Variants in NF1 observed in about 807,000 individuals in gnomAD.
The protein encoded by NF1 is neurofibromin 1.
In NF1, 122 loss-of-function variants were observed where a neutral mutation model predicts 325.7. The observed-to-expected ratio is 0.37, with a 90% confidence interval of 0.32 to 0.44. NF1 has a LOEUF of 0.44. Among genes scored for constraint, NF1 ranks in the 20% least tolerant of loss-of-function variants. The pLI, the probability that NF1 is intolerant of heterozygous loss-of-function variation, is 1.00. For synonymous variants in NF1, 1,091 were observed against 1,186.0 expected (o/e 0.92, Z 1.65); for missense variants, 2,140 against 3,415.4 (o/e 0.63, Z 9.31).
At chr17:31,209,638 CTCTT>C (rs998012555) in intron 12 of NF1, among the ~76,000 whole-genome samples, 15 of 152,160 alleles carry the variant, frequency 9.9e-5, no homozygotes, top group Middle Eastern at 3.4e-3. Flanking sequence ...TTAGCTCTCT[CTCTT>C]TTTTTTTCTT....
intron 49 of NF1, 127 bp from the exon 50 acceptor site, chr17:31,350,056 A>G: frequency 1.1e-6 from 1 of 938,604 alleles, no homozygotes; most frequent in Non-Finnish European, 1.7e-6. Flanking sequence ...ACATTTATGT[A>G]GTCTTCCAAA....
rs538685865 is a variant in NF1 at position 31,214,829 on chromosome 17, A to G, written c.1527+244A>G. On this transcript the variant is annotated intron_variant, in intron 13 of 57. Coordinates refer to ENST00000358273, the MANE Select transcript of NF1 (RefSeq NM_001042492.3). ...TCTCTTTCTTCTTAATTTCCCTATC[A>G]TTAAACTAACATACTTTGATGAGAT... is the stretch of plus-strand genomic sequence containing the variant. Among the ~76,000 whole-genome samples, 11 of 152,282 alleles carry G rather than the reference A, an allele frequency of 7.2e-5. No homozygotes were observed. In the South Asian group the frequency reaches 1.0e-3, roughly 14 times the overall value.
intron 1 of NF1, among the ~76,000 whole-genome samples, chr17:31,144,763 C>T (rs894828658): frequency 4.6e-5 from 7 of 152,176 alleles, no homozygotes; most frequent in African/African-American, 1.7e-4. Flanking sequence ...CAATTAAGGA[C>T]TATGGCCTGG....
intron 29 of NF1, among the ~76,000 whole-genome samples, chr17:31,240,286 C>G (rs1428078565): frequency 2.6e-5 from 4 of 151,780 alleles, no homozygotes; most frequent in African/African-American, 9.7e-5. Flanking sequence ...TCCATGAGTT[C>G]AATTGTTTTA....
Position 31,375,290 on chromosome 17 carries a change from A to C in NF1, c.*1135A>C, listed in dbSNP as rs1168344225. The C allele has an allele frequency of 2.6e-5, 6 of 228,366 alleles. No homozygotes were observed. In the East Asian group the frequency reaches 3.8e-4, roughly 14 times the overall value. The allele number at this position is 228,366 out of a possible 1,614,324, so 14.1% of individuals were successfully genotyped here. On this transcript the variant is annotated 3_prime_UTR_variant, in exon 58 of 58. Coordinates refer to ENST00000358273, the MANE Select transcript of NF1 (RefSeq NM_001042492.3). ...TTTTAATCTTCCTCCTCCTCTCCAA[A>C]AAAATCAGAAACCTCTTTAAGAAAA...
chr17:31,159,051 T>C lies in NF1; in HGVS notation c.246T>C (p.Ser82=). 1.2e-6 allele frequency: 2 copies of C among 1,609,124 alleles called. No individual in the cohort carries two copies. Among genetic ancestry groups the C allele is most frequent in the Non-Finnish European group, 1.7e-6 (2 of 1,175,652 alleles). ...CTGCTGAAAAAAATTTATATCTCTC[T>C]CAGTTGATTATATTGGATACACTGG... ...GEAAEKNLYL[S]QLIILDTLEK... Residue 82 remains serine, a synonymous_variant, in exon 3 of 58, where the codon TCT becomes TCC. Coordinates refer to ENST00000358273, the MANE Select transcript of NF1 (RefSeq NM_001042492.3).
chr17:31,227,658 T>C (rs755941819), intron 20 of NF1, 52 bp downstream of exon 20: 1 of 1,445,914 alleles, frequency 6.9e-7, no homozygotes, highest in Non-Finnish European at 9.7e-7. Context: ...TAAATATATG[T>C]ACTTCACTTT....
rs57914332 is a variant in NF1, at chr17:31,276,208, CAAAAAAAA to C, written c.4835+10886_4835+10893del. Among the ~76,000 whole-genome samples, 297 of 78,928 alleles carry C rather than the reference CAAAAAAAA, an allele frequency of 3.8e-3. 6 individuals are homozygous for C. In the East Asian group the frequency reaches 0.082, roughly 22 times the overall value. 51.8% of individuals were successfully genotyped at this position (78,928 alleles called of 152,430 possible). ...TGGGGGACAGAGCAAGACTCCATCT[CAAAAAAAA>C]AAAAAAAAAAAAAAAAGGGGCACAA... On this transcript the variant is annotated intron_variant, in intron 36 of 57. Transcript: ENST00000358273.
chr17:31,343,117 G>A lies in NF1; in HGVS notation c.7171G>A (p.Val2391Ile), dbSNP rs1245285900. 1.2e-6 allele frequency: 2 copies of A among 1,613,636 alleles called. No homozygotes were observed. Among genetic ancestry groups the A allele is most frequent in the Middle Eastern group, 1.6e-4 (1 of 6,080 alleles). Residue 2391 changes from valine (V) to isoleucine (I), a missense_variant, in exon 48 of 58, where the codon GTT becomes ATT. Physicochemically the swap from Val to Ile is conservative, Grantham distance 29. Transcript: ENST00000358273. Reference protein sequence around the residue: ...NFNSNFNFALVGHLLKGYRHP... With the variant: ...NFNSNFNFALIGHLLKGYRHP... ...CAACTCTAACTTTAACTTTGCATTGGTTGGACACCTTTTAAAAGGTAAAAA... is the reference window on the plus strand; with the variant it reads ...CAACTCTAACTTTAACTTTGCATTGATTGGACACCTTTTAAAAGGTAAAAA...
intron 12 of NF1, among the ~76,000 whole-genome samples, chr17:31,210,354 G>A (rs2066707302): frequency 6.6e-6 from 1 of 152,102 alleles, no homozygotes; most frequent in African/African-American, 2.4e-5. Flanking sequence ...AGGCCGGGGC[G>A]GGCAGGTCAC....
In NF1 at chr17:31,374,091, G is replaced by A. The variant is rs934837854; in HGVS notation, c.8456G>A (p.Ser2819Asn). The change falls in exon 58 of 58, where the codon AGC becomes AAC. Residue 2819 changes from serine (S) to asparagine (N), a missense_variant. Transcript: ENST00000358273. ...GGACGAACTCGCCACGGATCCGCAAGCCAAGTGCAGAAGCAAAGAAGCGCT... is the reference window on the plus strand; with the variant it reads ...GGACGAACTCGCCACGGATCCGCAAACCAAGTGCAGAAGCAAAGAAGCGCT... Reference protein sequence around the residue: ...NSGRTRHGSASQVQKQRSAGS... With the variant: ...NSGRTRHGSANQVQKQRSAGS... 1.9e-6 allele frequency: 3 copies of A among 1,614,006 alleles called. No homozygotes were observed. The African/African-American group carries it at 4.0e-5, about 22-fold the overall frequency.
chr17:31,148,373 G>C (rs2143576184), intron 1 of NF1, among the ~76,000 whole-genome samples: 1 of 148,752 alleles, frequency 6.7e-6, no homozygotes, highest in Admixed American at 6.8e-5. Context: ...GGTATGACAA[G>C]ATGTTCCGGG....
chr17:31,296,597 C>A, intron 36 of NF1: 1 of 461,974 alleles, frequency 2.2e-6, no homozygotes, highest in South Asian at 2.3e-5. Flanking sequence ...TCTCCCTCCC[C>A]CCTTTTCTAA....
At chr17:31,320,606 A>G (rs2069161336) in intron 36 of NF1, 1 of 505,318 alleles carries the variant, frequency 2.0e-6, no homozygotes, top group Non-Finnish European at 3.5e-6. Context: ...ACTGGAGACT[A>G]TATTTCATAT....
chr17:31,236,271 CTG>C (rs2067202315), intron 29 of NF1, among the ~76,000 whole-genome samples: 1 of 152,026 alleles, frequency 6.6e-6, no homozygotes, highest in Non-Finnish European at 1.5e-5. Flanking sequence ...CCTCCAGAGA[CTG>C]TTACTAGTTA....
At chr17:31,230,022 A>G (rs1344889597) in intron 22 of NF1, 48 bp downstream of exon 22, 1 of 1,603,284 alleles carries the variant, frequency 6.2e-7, no homozygotes, top group Non-Finnish European at 8.5e-7. Flanking sequence ...GAGATAAGAA[A>G]AACCTCTTAC....
At chr17:31,330,558 C>T (rs1423686615) in intron 39 of NF1, 60 bp downstream of exon 39, 2 of 1,292,024 alleles carry the variant, frequency 1.5e-6, no homozygotes, top group Non-Finnish European at 2.2e-6. Flanking sequence ...CAAAGAAAAC[C>T]CTTTCATTTC....
chr17:31,242,035 C>A lies in NF1; in HGVS notation c.3974+6014C>A, dbSNP rs549447108. ...TCTAAGGTAAAAGTTTTTTTTTTTT[C>A]TTTATCACTTGAAATATGTCATGCC... On this transcript the variant is annotated intron_variant, in intron 29 of 57. Coordinates refer to ENST00000358273, the MANE Select transcript of NF1 (RefSeq NM_001042492.3). Among the ~76,000 whole-genome samples the A allele has an allele frequency of 7.5e-4, 102 of 136,256 alleles. No homozygotes were observed. In the East Asian group the frequency reaches 0.02, roughly 26 times the overall value. The allele number at this position is 136,256 out of a possible 152,430, so 89.4% of individuals were successfully genotyped here. A position where few individuals can be genotyped will look rare whatever the true frequency, so the allele number is the denominator to read the frequency against.
intron 29 of NF1, among the ~76,000 whole-genome samples, chr17:31,245,690 C>T (rs2067377542): frequency 6.6e-6 from 1 of 152,226 alleles, no homozygotes; most frequent in African/African-American, 2.4e-5. Flanking sequence ...AAGGGGCTTG[C>T]AGCTTCCATG....
Sources: gnomAD v4.1 joint callset for allele counts (sites outside exome capture counted in the v4.1 genomes callset) on GRCh38, gnomAD v4.1.1 for gene constraint, MANE v1.5 for transcripts, NCBI Gene and HGNC (gene_info 2026-07-23, HGNC 2026-07-21) for gene names.